ROBO2: variants seen among roughly 807,000 people sequenced by gnomAD.
The protein encoded by ROBO2 is roundabout guidance receptor 2, also known as roundabout homolog 2.
Under a neutral mutation model 160.8 loss-of-function variants are expected in ROBO2, and 53 were observed. The ratio of observed to expected loss-of-function variants is 0.33; its 90% confidence interval spans 0.26 to 0.41. ROBO2 has a LOEUF of 0.41. Among genes scored for constraint, ROBO2 ranks in the 10% least tolerant of loss-of-function variants. ROBO2 has a pLI of 1.00. For missense variants in ROBO2, 1,577 were observed against 1,722.4 expected, an observed-to-expected ratio of 0.92 and a Z score of 1.49; for synonymous variants, 664 against 611.7, an observed-to-expected ratio of 1.09 and a Z score of -1.26.
chr3:76,977,894 T>C (rs2059890458), intron 2 of ROBO2, among the ~76,000 whole-genome samples: 1 of 152,200 alleles, frequency 6.6e-6, no homozygotes, highest in Non-Finnish European at 1.5e-5. Flanking sequence ...CATGACAGAA[T>C]GAGTATGTGT....
At chr3:77,508,509 G>A (rs1450620617) in intron 5 of ROBO2, among the ~76,000 whole-genome samples, 1 of 150,100 alleles carries the variant, frequency 6.7e-6, no homozygotes, top group Non-Finnish European at 1.5e-5. Flanking sequence ...ATGTTTAGGA[G>A]TTCTCAATTT....
intron 2 of ROBO2, among the ~76,000 whole-genome samples, chr3:76,843,331 G>A (rs529147781): frequency 6.6e-6 from 1 of 151,884 alleles, no homozygotes; most frequent in Non-Finnish European, 1.5e-5. Context: ...AGGGTTGAGA[G>A]GGATCATATG....
At chr3:76,241,241 G>A (rs2107515271) in intron 2 of ROBO2, among the ~76,000 whole-genome samples, 1 of 152,224 alleles carries the variant, frequency 6.6e-6, no homozygotes, top group East Asian at 1.9e-4. Flanking sequence ...ATGATGCCAT[G>A]GCTTCCCGGG....
intron 2 of ROBO2, among the ~76,000 whole-genome samples, chr3:76,568,147 G>T (rs1334392090): frequency 6.6e-6 from 1 of 151,724 alleles, no homozygotes; most frequent in African/African-American, 2.4e-5. Context: ...AACAATAGGG[G>T]TGCCTGCATA....
chr3:76,406,677 T>C (rs948433213), intron 2 of ROBO2, among the ~76,000 whole-genome samples: 1 of 151,892 alleles, frequency 6.6e-6, no homozygotes, highest in Non-Finnish European at 1.5e-5. Context: ...AGCCCAAAGA[T>C]ATTTTCTTTA....
At chr3:76,749,064 A>G (rs1417748006) in intron 2 of ROBO2, among the ~76,000 whole-genome samples, 1 of 151,910 alleles carries the variant, frequency 6.6e-6, no homozygotes, top group Non-Finnish European at 1.5e-5. Flanking sequence ...CTGTATTGTT[A>G]AATGAAAAGA....
At chr3:76,099,499 A>G (rs1196455860) in intron 2 of ROBO2, among the ~76,000 whole-genome samples, 1 of 152,200 alleles carries the variant, frequency 6.6e-6, no homozygotes, top group African/African-American at 2.4e-5. Flanking sequence ...TAAATTATAG[A>G]AAATGTTTCC....
At chr3:77,309,283 A>G (rs2063350635) in intron 2 of ROBO2, among the ~76,000 whole-genome samples, 1 of 152,202 alleles carries the variant, frequency 6.6e-6, no homozygotes, top group Non-Finnish European at 1.5e-5. Context: ...CACAGAAATA[A>G]GTTTATGTGC....
chr3:76,867,894 G>A (rs2148658356), intron 2 of ROBO2, among the ~76,000 whole-genome samples: 1 of 152,228 alleles, frequency 6.6e-6, no homozygotes, highest in South Asian at 2.1e-4. Context: ...TGAGGCAAAT[G>A]ATCAAAATAT....
At chr3:77,409,103 G>GTATATATA (rs57350639) in intron 2 of ROBO2, among the ~76,000 whole-genome samples, 127 of 129,634 alleles carry the variant, frequency 9.8e-4, no homozygotes, top group East Asian at 8.8e-3. Context: ...ATATATATAT[G>GTATATATA]TATATATATA....
intron 9 of ROBO2, among the ~76,000 whole-genome samples, chr3:77,560,718 C>T (rs187178065): frequency 1.3e-5 from 2 of 152,196 alleles, no homozygotes; most frequent in African/African-American, 4.8e-5. Context: ...TTAAAATATA[C>T]CTACCGCAGC....
chr3:76,555,358 G>C (rs1029713919), intron 2 of ROBO2, among the ~76,000 whole-genome samples: 1 of 57,932 alleles, frequency 1.7e-5, no homozygotes, highest in Non-Finnish European at 3.8e-5. Flanking sequence ...AGTAGGAAGA[G>C]AGAAGAAGAA....
At chr3:76,628,982 A>AAGTC (rs34917271) in intron 2 of ROBO2, among the ~76,000 whole-genome samples, 95,834 of 151,628 alleles carry the variant, frequency 0.63, 30,564 homozygotes, top group East Asian at 0.74. Context: ...AAGGTATACT[A>AAGTC]AGCATAATAT....
chr3:77,241,327 A>G (rs2089005742), intron 2 of ROBO2, among the ~76,000 whole-genome samples: 1 of 152,234 alleles, frequency 6.6e-6, no homozygotes, highest in African/African-American at 2.4e-5. Context: ...AGTAGAAATT[A>G]CCTGTGAAAA....
intron 2 of ROBO2, among the ~76,000 whole-genome samples, chr3:77,426,678 C>CAGGAAGGAAGGAAGGAAGGA: frequency 8.3e-6 from 1 of 119,892 alleles, no homozygotes; most frequent in Non-Finnish European, 1.7e-5. Context: ...ATCATTTGGT[C>CAGGAAGGAAGGAAGGAAGGA]AGGAAGGAAG....
At chr3:76,726,069 G>A (rs749177573) in intron 2 of ROBO2, among the ~76,000 whole-genome samples, 13 of 152,076 alleles carry the variant, frequency 8.5e-5, no homozygotes, top group South Asian at 2.1e-4. Context: ...AACATCACAC[G>A]CGCATACATC....
At chr3:77,579,980 A>G (rs148168091) in exon 16 of ROBO2, 3 of 1,613,824 alleles carry the variant, frequency 1.9e-6, no homozygotes, top group African/African-American at 2.7e-5. Flanking sequence ...GCGATTCCAT[A>G]TCAACAAAAC....
chr3:76,169,979 A>C, intron 2 of ROBO2, among the ~76,000 whole-genome samples: 1 of 151,948 alleles, frequency 6.6e-6, no homozygotes, highest in African/African-American at 2.4e-5. Context: ...ATGGGGTTTT[A>C]CCATGTTAGC....
intron 2 of ROBO2, among the ~76,000 whole-genome samples, chr3:77,337,211 C>T (rs1404846250): frequency 2.0e-5 from 3 of 152,102 alleles, no homozygotes; most frequent in African/African-American, 4.8e-5. Context: ...CATTTGGAAG[C>T]CTTCAAATAT....
Sources: gnomAD v4.1 joint callset for allele counts (sites outside exome capture counted in the v4.1 genomes callset) on GRCh38, gnomAD v4.1.1 for gene constraint, MANE v1.5 for transcripts, NCBI Gene and HGNC (gene_info 2026-07-23, HGNC 2026-07-21) for gene names.